Variants in NEO1 observed in about 807,000 individuals in gnomAD.
NEO1 encodes neogenin.
A neutral mutation model predicts 159.7 loss-of-function variants in NEO1; 63 were observed. That is an observed-to-expected ratio of 0.39 (90% CI 0.32 to 0.49). The LOEUF (loss-of-function observed/expected upper bound fraction) is 0.49, where lower values mean the gene tolerates loss of function less well. Among genes scored for constraint, NEO1 ranks in the 20% least tolerant of loss-of-function variants. NEO1 has a pLI of 0.85. For synonymous variants in NEO1, 633 were observed against 662.0 expected (o/e 0.96, Z 0.67); for missense variants, 1,615 against 1,831.0 (o/e 0.88, Z 2.15).
At chr15:73,152,020 A>G (rs2033412046) in intron 5 of NEO1, among the ~76,000 whole-genome samples, 1 of 152,234 alleles carries the variant, frequency 6.6e-6, no homozygotes, top group Non-Finnish European at 1.5e-5. Context: ...AGTCAGGGTT[A>G]TCCAAAGAAA....
chr15:73,256,622 G>A (rs751143220), intron 13 of NEO1, among the ~76,000 whole-genome samples: 4 of 152,122 alleles, frequency 2.6e-5, no homozygotes, highest in African/African-American at 4.8e-5. Flanking sequence ...CTCACAAATG[G>A]GATTGACTTC....
At chr15:73,100,694 A>T (rs897979437) in intron 1 of NEO1, among the ~76,000 whole-genome samples, 4 of 152,142 alleles carry the variant, frequency 2.6e-5, no homozygotes, top group African/African-American at 9.7e-5. Context: ...AGAAAAGTTT[A>T]ATTTCAAATG....
At chr15:73,052,257 C>T (rs1371887190), upstream of NEO1, among the ~76,000 whole-genome samples, 3 of 145,746 alleles carry the variant, frequency 2.1e-5, no homozygotes, top group Non-Finnish European at 4.6e-5. Context: ...GGGGTGCGGG[C>T]GAGGCGCGCG....
intron 22 of NEO1, among the ~76,000 whole-genome samples, chr15:73,281,295 G>A (rs546264476): frequency 2.7e-4 from 40 of 148,630 alleles, no homozygotes; most frequent in African/African-American, 9.4e-4. Flanking sequence ...TTGCTCTGTC[G>A]CCCAGGCTGG....
At chr15:73,114,113 C>T (rs2071158241) in intron 1 of NEO1, among the ~76,000 whole-genome samples, 1 of 152,074 alleles carries the variant, frequency 6.6e-6, no homozygotes, top group Non-Finnish European at 1.5e-5. Flanking sequence ...ACTAACATTG[C>T]CTGGGCACCT....
At position 73,289,238 on chromosome 15, in the gene NEO1, C is replaced by T; in HGVS notation, c.3742C>T (p.Pro1248Ser). ...MMPFDSQPPQ[P>S]VISAHPIHSL... The stretch of plus-strand genomic sequence containing the variant: ...GCCCTTTGACTCCCAGCCACCCCAG[C>T]GTAAGTAGAAGCATCTCTTTTCCTC... The change falls in exon 25 of 29, where the codon CCT becomes TCT. Residue 1248 changes from proline to serine, a missense_variant and splice_region_variant. Physicochemically the swap from Pro to Ser is moderately conservative, Grantham distance 74 (BLOSUM62 -1). Transcript: ENST00000261908. 1 of 1,613,596 alleles carries T rather than the reference C, an allele frequency of 6.2e-7. No individual in the cohort carries two copies. The highest frequency in any genetic ancestry group is 8.5e-7 in the Non-Finnish European group (1 of 1,179,614).
chr15:73,164,025 T>A (rs963861940), intron 5 of NEO1, among the ~76,000 whole-genome samples: 44 of 151,170 alleles, frequency 2.9e-4, no homozygotes, highest in Non-Finnish European at 7.4e-5. Context: ...TCTTATTTTT[T>A]TTTTTTTTCT....
rs768899908 is a variant in NEO1, at chr15:73,116,692, T to C, written c.283T>C (p.Leu95=). ...EWKKDGTFLN[L]VSDDRRQLLP... is the part of the protein sequence containing the mutation. Reference sequence around the variant, plus strand: ...GAAAAAAGATGGAACTTTTTTAAACTTAGTATCAGATGATCGACGCCAGCT... The same window carrying C: ...GAAAAAAGATGGAACTTTTTTAAACCTAGTATCAGATGATCGACGCCAGCT... The change falls in exon 2 of 29, where the codon TTA becomes CTA. Residue 95 remains leucine (L), a synonymous_variant. Coordinates refer to ENST00000261908, the MANE Select transcript of NEO1 (RefSeq NM_002499.4). 6.2e-7 allele frequency: 1 copy of C among 1,614,048 alleles called. No homozygotes were observed. Among genetic ancestry groups the C allele is most frequent in the South Asian group, 1.1e-5 (1 of 91,076 alleles).
chr15:73,244,766 C>CA (rs1307684881), intron 9 of NEO1, among the ~76,000 whole-genome samples: 1 of 151,716 alleles, frequency 6.6e-6, no homozygotes, highest in Non-Finnish European at 1.5e-5. Context: ...GCCTGGCCAA[C>CA]ATGGTGAAAC....
chr15:73,126,379 C>T, intron 3 of NEO1, 38 bp from the exon 4 acceptor site: 1 of 1,550,860 alleles, frequency 6.4e-7, no homozygotes, highest in African/African-American at 1.4e-5. Flanking sequence ...CTGTTTTGTC[C>T]TTTAATTATT....
chr15:73,235,598 A>G (rs559573333), intron 7 of NEO1, among the ~76,000 whole-genome samples: 1 of 152,314 alleles, frequency 6.6e-6, no homozygotes, highest in East Asian at 1.9e-4. Context: ...CAGATTAGCT[A>G]CCTGACTTGC....
In NEO1 at chr15:73,176,552, A is replaced by G. The variant is rs1267060103; in HGVS notation, c.1165A>G (p.Ile389Val). 6.2e-7 allele frequency: 1 copy of G among 1,606,232 alleles called. No individual in the cohort carries two copies. The highest frequency in any genetic ancestry group is 1.7e-5 in the Admixed American group (1 of 58,526). Residue 389 changes from isoleucine to valine, a missense_variant, in exon 6 of 29, where the codon ATT (isoleucine) becomes GTT (valine). Ile to Val is a conservative substitution (Grantham distance 29). Transcript: ENST00000261908. ...DMVIPSDYFK[I>V]VKEHNLQVLG... ...GGTTATCCCAAGTGATTATTTTAAG[A>G]TTGTAGTAAGTATTTTTCAAAGAAG...
intron 13 of NEO1, among the ~76,000 whole-genome samples, chr15:73,258,425 T>G (rs2040466946): frequency 6.6e-6 from 1 of 152,208 alleles, no homozygotes; most frequent in African/African-American, 2.4e-5. Flanking sequence ...GTTCTTGGCC[T>G]CTTTTGGCCT....
rs137864414 is a variant in NEO1 at position 73,293,625 on chromosome 15, T to G, written c.3901+77T>G. 1.8e-5 allele frequency: 25 copies of G among 1,420,090 alleles called. No homozygotes were observed. The African/African-American group carries it at 3.6e-4, about 20-fold the overall frequency. 88.0% of individuals were successfully genotyped at this position (1,420,090 alleles called of 1,614,324 possible). A position where few individuals can be genotyped will look rare whatever the true frequency, so the allele number is the denominator to read the frequency against. ...AGCAGAAATGGGGAAGGACTTGCCC[T>G]ACTTAGAAGAGGGATTTGGAATTTT... On this transcript the variant is annotated intron_variant, in intron 26 of 28. Coordinates refer to ENST00000261908, the MANE Select transcript of NEO1 (RefSeq NM_002499.4).
intron 5 of NEO1, among the ~76,000 whole-genome samples, chr15:73,154,452 A>G (rs1317168804): frequency 1.3e-5 from 2 of 152,098 alleles, no homozygotes; most frequent in East Asian, 3.8e-4. Flanking sequence ...TATTAATTCT[A>G]ATTATATTTT....
chr15:73,260,259 T>C lies in NEO1; in HGVS notation c.2204-12T>C, dbSNP rs561856801. On this transcript the variant is annotated splice_polypyrimidine_tract_variant and intron_variant, in intron 14 of 28. Transcript: ENST00000261908. ...GTATATCTCATCTTGCTTTTCCACT[T>C]TTCCTTCCCAGAAACTCGTGTTCCT... 3 of 1,609,480 alleles carry C rather than the reference T, an allele frequency of 1.9e-6. No homozygotes were observed. In the East Asian group the frequency reaches 6.7e-5, roughly 36 times the overall value.
intron 1 of NEO1, among the ~76,000 whole-genome samples, chr15:73,076,461 A>G (rs571863313): frequency 1.3e-5 from 2 of 152,132 alleles, no homozygotes; most frequent in African/African-American, 4.8e-5. Flanking sequence ...GCTACTTACT[A>G]TTTTTCCAGT....
At chr15:73,266,006 C>A (rs941451141) in intron 15 of NEO1, among the ~76,000 whole-genome samples, 2 of 152,072 alleles carry the variant, frequency 1.3e-5, no homozygotes, top group African/African-American at 2.4e-5. Flanking sequence ...TAAATCTTAT[C>A]TCTTCATTCT....
At chr15:73,106,975 G>A (rs1170105078) in intron 1 of NEO1, among the ~76,000 whole-genome samples, 1 of 152,080 alleles carries the variant, frequency 6.6e-6, no homozygotes, top group African/African-American at 2.4e-5. Flanking sequence ...TTTATATCTT[G>A]CTGGTTTTAC....
Sources: allele counts gnomAD v4.1 joint callset (sites outside exome capture counted in the v4.1 genomes callset), GRCh38; gene constraint gnomAD v4.1.1; transcripts MANE v1.5; gene names NCBI Gene and HGNC (gene_info 2026-07-23, HGNC 2026-07-21).